AXDND1: variants seen among roughly 807,000 people sequenced by gnomAD.
AXDND1 encodes the protein axonemal dynein light chain domain containing 1, also known as axonemal dynein light chain domain-containing protein 1.
A neutral mutation model predicts 137.5 loss-of-function variants in AXDND1; 110 were observed. The ratio of observed to expected loss-of-function variants is 0.80; its 90% CI spans 0.69 to 0.94. The LOEUF (loss-of-function observed/expected upper bound fraction) is 0.94. AXDND1 is among the 40% of genes least tolerant of loss of function. The probability of loss-of-function intolerance (pLI) is 0.00; values close to 1 mark genes in which losing one functional copy is unlikely to be tolerated. For synonymous variants in AXDND1, 414 were observed against 399.7 expected (o/e 1.04, Z -0.43); for missense variants, 1,191 against 1,169.8 (o/e 1.02, Z -0.26).
chr1:179,389,863 G>C (rs952182505), intron 9 of AXDND1, among the ~76,000 whole-genome samples: 3 of 152,086 alleles, frequency 2.0e-5, no homozygotes, highest in African/African-American at 7.2e-5. Context: ...CAATATATGA[G>C]CTGCATCTTG....
intron 21 of AXDND1, among the ~76,000 whole-genome samples, chr1:179,512,832 G>C (rs1669181299): frequency 6.6e-6 from 1 of 152,078 alleles, no homozygotes; most frequent in East Asian, 1.9e-4. Context: ...CTGTTGTAAA[G>C]GGGTTGAGTT....
At chr1:179,525,483 A>G (rs769873650) in intron 22 of AXDND1, 36 bp downstream of exon 22, 1 of 1,476,946 alleles carries the variant, frequency 6.8e-7, no homozygotes, top group East Asian at 2.4e-5. Flanking sequence ...CCTCCTACAT[A>G]CATACATACA....
chr1:179,406,384 G>A (rs888501250), intron 11 of AXDND1, among the ~76,000 whole-genome samples: 2 of 152,128 alleles, frequency 1.3e-5, no homozygotes, highest in Admixed American at 6.6e-5. Context: ...TTGTTCTAAA[G>A]TATTGCTTAA....
chr1:179,533,576 G>A lies in AXDND1; in HGVS notation c.2716-219G>A, dbSNP rs527792928. 2.0e-5 allele frequency among the ~76,000 whole-genome samples: 3 copies of A among 147,906 alleles called. No individual in the cohort carries two copies. In the East Asian group the frequency reaches 5.9e-4, roughly 29 times the overall value. ...ATTCAAATCAAATTCTTATTCACCTGAAGCACGAGTAATTTGGAAGCTTCT... is the reference window on the plus strand; with the variant it reads ...ATTCAAATCAAATTCTTATTCACCTAAAGCACGAGTAATTTGGAAGCTTCT... On this transcript the variant is annotated intron_variant, in intron 23 of 25. Transcript: ENST00000367618.
intron 12 of AXDND1, among the ~76,000 whole-genome samples, chr1:179,427,604 C>T (rs1656760771): frequency 6.6e-6 from 1 of 152,012 alleles, no homozygotes; most frequent in Non-Finnish European, 1.5e-5. Context: ...ATAGATTAAT[C>T]TTACTAATAT....
chr1:179,553,359 T>C (rs1462057749), intron 25 of AXDND1, among the ~76,000 whole-genome samples: 1 of 152,216 alleles, frequency 6.6e-6, no homozygotes, highest in Admixed American at 6.6e-5. Context: ...ACAACCTAAA[T>C]GTCCATCAGC....
At chr1:179,476,742 G>GT (rs757930386) in intron 17 of AXDND1, among the ~76,000 whole-genome samples, 2 of 152,074 alleles carry the variant, frequency 1.3e-5, no homozygotes, top group Admixed American at 1.3e-4. Flanking sequence ...GGACTCCCTT[G>GT]TAAGTGATGT....
In AXDND1 at chr1:179,382,686, C is replaced by T. The variant is rs766892592; in HGVS notation, c.582-14C>T. On this transcript the variant is annotated splice_polypyrimidine_tract_variant and intron_variant, in intron 6 of 25. Coordinates refer to ENST00000367618, the MANE Select transcript of AXDND1 (RefSeq NM_144696.6). ...TTTTCTTAAAATAACATTTACCTATCTTATTTATTGTAGCAAATACACTAC... is the reference window on the plus strand; with the variant it reads ...TTTTCTTAAAATAACATTTACCTATTTTATTTATTGTAGCAAATACACTAC... The T allele has an allele frequency of 1.3e-6, 2 of 1,583,956 alleles. No homozygotes were observed. Among genetic ancestry groups the T allele is most frequent in the Non-Finnish European group, 1.7e-6 (2 of 1,154,846 alleles).
chr1:179,524,144 A>G (rs1670324637), intron 21 of AXDND1, among the ~76,000 whole-genome samples: 1 of 152,190 alleles, frequency 6.6e-6, no homozygotes, highest in African/African-American at 2.4e-5. Context: ...TTGTGCTGCT[A>G]TAAACATGCA....
chr1:179,501,900 A>T (rs1397572244), intron 20 of AXDND1, among the ~76,000 whole-genome samples: 2 of 151,960 alleles, frequency 1.3e-5, no homozygotes, highest in African/African-American at 2.4e-5. Flanking sequence ...GGGTAGGAAA[A>T]TTTTTTTTAA....
At chr1:179,552,548 C>T in intron 25 of AXDND1, 1 of 1,369,286 alleles carries the variant, frequency 7.3e-7, no homozygotes, top group Non-Finnish European at 1.0e-6. Flanking sequence ...GGGAAATGTT[C>T]TCCACGAGCA....
intron 16 of AXDND1, among the ~76,000 whole-genome samples, chr1:179,460,187 C>T (rs934861290): frequency 2.0e-5 from 3 of 151,958 alleles, no homozygotes; most frequent in African/African-American, 7.3e-5. Flanking sequence ...TGCTCTCGCT[C>T]CCACCTCCCC....
intron 11 of AXDND1, among the ~76,000 whole-genome samples, chr1:179,408,383 C>CTT (rs998752586): frequency 1.4e-5 from 2 of 144,666 alleles, no homozygotes. Context: ...ATGAAAAATT[C>CTT]TTTTTTTTTT....
At chr1:179,443,996 A>T (rs1027569880) in intron 15 of AXDND1, among the ~76,000 whole-genome samples, 6 of 151,850 alleles carry the variant, frequency 4.0e-5, no homozygotes, top group African/African-American at 1.5e-4. Flanking sequence ...CTTGAACAGT[A>T]TATTCTCAGA....
intron 16 of AXDND1, among the ~76,000 whole-genome samples, chr1:179,466,402 G>A (rs972492725): frequency 4.0e-5 from 6 of 149,302 alleles, no homozygotes; most frequent in African/African-American, 1.2e-4. Context: ...TGGGATTATA[G>A]GCATGAGCCA....
chr1:179,520,438 C>A (rs565339344), intron 21 of AXDND1, among the ~76,000 whole-genome samples: 19 of 152,062 alleles, frequency 1.2e-4, no homozygotes, highest in Middle Eastern at 3.4e-3. Context: ...ACTTATTCTT[C>A]CTTTTATTTA....
chr1:179,501,726 AAAC>A (rs1001461280), intron 20 of AXDND1, among the ~76,000 whole-genome samples: 3 of 152,066 alleles, frequency 2.0e-5, no homozygotes. Context: ...AAACAAAACA[AAAC>A]AACAACAAAA....
intron 9 of AXDND1, among the ~76,000 whole-genome samples, chr1:179,388,739 C>T (rs1475881122): frequency 6.7e-6 from 1 of 150,092 alleles, no homozygotes; most frequent in East Asian, 1.9e-4. Flanking sequence ...AGGCACACAC[C>T]ACCATGCCTG....
chr1:179,543,397 A>G (rs1023241394), intron 25 of AXDND1: 7 of 152,178 alleles, frequency 4.6e-5, no homozygotes, highest in African/African-American at 1.4e-4. Flanking sequence ...AAATAGTAAT[A>G]CAAAGGCAAC....
Sources: allele counts gnomAD v4.1 joint callset (sites outside exome capture counted in the v4.1 genomes callset), GRCh38; gene constraint gnomAD v4.1.1; transcripts MANE v1.5; gene names NCBI Gene and HGNC (gene_info 2026-07-23, HGNC 2026-07-21).